Variants in BAZ2B observed in about 807,000 individuals in gnomAD.
BAZ2B encodes bromodomain adjacent to zinc finger domain protein 2B.
A neutral mutation model predicts 246.0 loss-of-function variants in BAZ2B; 91 were observed. The observed-to-expected ratio is 0.37, with a 90% CI of 0.31 to 0.44. The LOEUF is 0.44. Among genes scored for constraint, BAZ2B ranks in the 20% least tolerant of loss-of-function variants. BAZ2B has a pLI of 1.00. For missense variants in BAZ2B, 2,332 were observed against 2,533.7 expected, an observed-to-expected ratio of 0.92 and a Z score of 1.71; for synonymous variants, 855 against 860.0, an observed-to-expected ratio of 0.99 and a Z score of 0.10.
At position 159,406,880 on chromosome 2, in the gene BAZ2B, G is replaced by A. The variant is rs560924071; in HGVS notation, c.2678-1766C>T. The stretch of plus-strand genomic sequence containing the variant: ...CGCCATTCTCCTGCCTCAGCCTCCC[G>A]AGCAGCTGGGACTACAGGCGCCCGC... On this transcript the variant is annotated intron_variant, in intron 14 of 36. Coordinates refer to ENST00000392783, the MANE Select transcript of BAZ2B (RefSeq NM_013450.4). Among the ~76,000 whole-genome samples the A allele has an allele frequency of 4.8e-3, 731 of 151,648 alleles. 1 individual carries two copies. The highest frequency in any genetic ancestry group is 7.0e-3 in the Non-Finnish European group (475 of 67,902).
In BAZ2B at chr2:159,439,218, T is replaced by A; in HGVS notation, c.697-6A>T. On this transcript the variant is annotated splice_region_variant and splice_polypyrimidine_tract_variant and intron_variant, in intron 6 of 36. Transcript: ENST00000392783. The stretch of plus-strand genomic sequence containing the variant: ...ATTGCTTTCTTCCTTGGTTTCTGGA[T>A]AACGACAAGGTAGTTGGCAAGACTT... The A allele has an allele frequency of 1.9e-6, 3 of 1,611,840 alleles. No homozygotes were observed. Among genetic ancestry groups the A allele is most frequent in the South Asian group, 1.1e-5 (1 of 90,722 alleles).
chr2:159,337,227 C>T, intron 32 of BAZ2B, 150 bp from the exon 33 acceptor site: 1 of 1,105,064 alleles, frequency 9.0e-7, no homozygotes, highest in East Asian at 2.5e-5. Context: ...TGATGTAGTG[C>T]ACAGACTGTG....
intron 31 of BAZ2B, among the ~76,000 whole-genome samples, chr2:159,339,735 T>C (rs998939990): frequency 6.6e-6 from 1 of 152,132 alleles, no homozygotes; most frequent in African/African-American, 2.4e-5. Context: ...TATTATTCAG[T>C]CATAAAGAAG....
chr2:159,683,618 A>C, the BAZ2B span, among the ~76,000 whole-genome samples: 1 of 152,162 alleles, frequency 6.6e-6, no homozygotes, highest in Non-Finnish European at 1.5e-5. Flanking sequence ...CAGAAGCGTG[A>C]AATGAATTGT....
intron 2 of BAZ2B, among the ~76,000 whole-genome samples, chr2:159,539,368 T>C (rs2151376555): frequency 6.6e-6 from 1 of 152,378 alleles, no homozygotes; most frequent in East Asian, 1.9e-4. Flanking sequence ...TTCTTAAATA[T>C]GCCAGCAAGG....
At chr2:159,367,729 T>C (rs1207224075) in intron 27 of BAZ2B, among the ~76,000 whole-genome samples, 1 of 151,700 alleles carries the variant, frequency 6.6e-6, no homozygotes, top group East Asian at 1.9e-4. Context: ...ACTAAAAAAA[T>C]ACAAAAAAAT....
At chr2:159,683,298 C>G in the BAZ2B span, among the ~76,000 whole-genome samples, 2 of 152,112 alleles carry the variant, frequency 1.3e-5, no homozygotes, top group African/African-American at 4.8e-5. Context: ...CCAGGCTGGT[C>G]TCAAACTCTC....
At chr2:159,408,096 T>C (rs1263683589) in intron 14 of BAZ2B, among the ~76,000 whole-genome samples, 2 of 152,228 alleles carry the variant, frequency 1.3e-5, no homozygotes, top group East Asian at 3.8e-4. Context: ...TAACTTTTAA[T>C]AAGAAAATTC....
At chr2:159,352,643 G>A (rs2058683783) in intron 27 of BAZ2B, among the ~76,000 whole-genome samples, 1 of 152,064 alleles carries the variant, frequency 6.6e-6, no homozygotes, top group African/African-American at 2.4e-5. Context: ...ACACCACCAT[G>A]TCCAAGTAAT....
At chr2:159,513,719 T>C (rs1247153158) in intron 2 of BAZ2B, among the ~76,000 whole-genome samples, 1 of 152,218 alleles carries the variant, frequency 6.6e-6, no homozygotes, top group South Asian at 2.1e-4. Flanking sequence ...TTCTCTCATT[T>C]AGATTACTCT....
chr2:159,712,268 C>G, the BAZ2B span: 1 of 152,248 alleles, frequency 6.6e-6, no homozygotes, highest in African/African-American at 2.4e-5. Flanking sequence ...CGCACACTCG[C>G]CAGCCCAGCT....
At chr2:159,632,653 T>C in the BAZ2B span, among the ~76,000 whole-genome samples, 1 of 152,204 alleles carries the variant, frequency 6.6e-6, no homozygotes, top group South Asian at 2.1e-4. Context: ...ACGCCTCATA[T>C]ATAACTTAAT....
chr2:159,428,093 G>T, intron 12 of BAZ2B, 51 bp from the exon 13 acceptor site: 1 of 1,506,816 alleles, frequency 6.6e-7, no homozygotes, highest in African/African-American at 1.4e-5. Context: ...TTACAACCCA[G>T]CTTTGATGTA....
chr2:159,446,504 A>G (rs2074270240), intron 6 of BAZ2B, among the ~76,000 whole-genome samples: 1 of 152,206 alleles, frequency 6.6e-6, no homozygotes, highest in South Asian at 2.1e-4. Flanking sequence ...TCCATTTGTA[A>G]TAACAGTAGC....
intron 31 of BAZ2B, among the ~76,000 whole-genome samples, chr2:159,340,299 A>G (rs896007510): frequency 3.3e-5 from 5 of 152,120 alleles, no homozygotes; most frequent in Non-Finnish European, 5.9e-5. Context: ...GACACCATTA[A>G]GCAAACAAAT....
chr2:159,412,148 T>C (rs1263361856), intron 14 of BAZ2B, among the ~76,000 whole-genome samples, 187 bp downstream of exon 14: 1 of 152,256 alleles, frequency 6.6e-6, no homozygotes, highest in African/African-American at 2.4e-5. Context: ...GTAATGGTTC[T>C]TGAAAGATTA....
intron 20 of BAZ2B, among the ~76,000 whole-genome samples, chr2:159,390,554 A>T (rs1201243871): frequency 6.6e-6 from 1 of 152,118 alleles, no homozygotes. Flanking sequence ...CCCATATTCT[A>T]ATCATCTCCA....
At position 159,478,683 on chromosome 2, in the gene BAZ2B, A is replaced by C. The variant is rs1357599817; in HGVS notation, c.37T>G (p.Ser13Ala). ...GAAGATGAAGTTGGTGTAGTAGAGG[A>C]GGCTGCTGAGGATGGTAACCGTTCT... ...SGERLPSSAA[S>A]STTPTSSSTP... is the part of the protein sequence containing the mutation. Residue 13 changes from serine to alanine, a missense_variant, in exon 3 of 37, where the codon TCC becomes GCC. By Grantham distance (99) the Ser-to-Ala change is moderately conservative. Coordinates refer to ENST00000392783, the MANE Select transcript of BAZ2B (RefSeq NM_013450.4). 6.2e-7 allele frequency: 1 copy of C among 1,603,570 alleles called. No homozygotes were observed. The highest frequency in any genetic ancestry group is 8.5e-7 in the Non-Finnish European group (1 of 1,174,402).
chr2:159,329,996 G>A (rs2064435479), intron 34 of BAZ2B, among the ~76,000 whole-genome samples: 1 of 152,146 alleles, frequency 6.6e-6, no homozygotes, highest in African/African-American at 2.4e-5. Flanking sequence ...GAAGTTATAA[G>A]ATAATTTTAT....
Sources: gnomAD v4.1 joint callset for allele counts (sites outside exome capture counted in the v4.1 genomes callset) on GRCh38, gnomAD v4.1.1 for gene constraint, MANE v1.5 for transcripts, NCBI Gene and HGNC (gene_info 2026-07-23, HGNC 2026-07-21) for gene names.